The following SLC12A6 variants were observed in gnomAD, a reference collection of about 807,000 sequenced individuals.
The protein encoded by SLC12A6 is solute carrier family 12 member 6.
A neutral mutation model predicts 135.3 loss-of-function variants in SLC12A6; 66 were observed. The observed-to-expected ratio is 0.49, with a 90% CI of 0.40 to 0.60. The LOEUF (loss-of-function observed/expected upper bound fraction) is 0.60. Among genes scored for constraint, SLC12A6 ranks in the 20% least tolerant of loss-of-function variants. The pLI is 0.00. For synonymous variants in SLC12A6, 513 were observed against 508.8 expected (o/e 1.01, Z -0.11); for missense variants, 1,058 against 1,452.3 (o/e 0.73, Z 4.41).
At chr15:34,292,851 G>T (rs915799935) in intron 2 of SLC12A6, among the ~76,000 whole-genome samples, 1 of 152,162 alleles carries the variant, frequency 6.6e-6, no homozygotes, top group African/African-American at 2.4e-5. Flanking sequence ...TGGTCTGATG[G>T]TTGTGAAGAC....
At chr15:34,279,239 G>A (rs1355229329) in intron 2 of SLC12A6, among the ~76,000 whole-genome samples, 1 of 151,964 alleles carries the variant, frequency 6.6e-6, no homozygotes, top group Non-Finnish European at 1.5e-5. Flanking sequence ...GCTTGAACCT[G>A]GGAGGCGGAG....
chr15:34,268,367 C>G (rs78248490), intron 3 of SLC12A6, among the ~76,000 whole-genome samples: 3 of 152,288 alleles, frequency 2.0e-5, no homozygotes, highest in African/African-American at 7.2e-5. Flanking sequence ...ATGCCTCCAA[C>G]CAATAATGTC....
chr15:34,298,443 C>G (rs1286571044), intron 2 of SLC12A6, among the ~76,000 whole-genome samples: 1 of 151,574 alleles, frequency 6.6e-6, no homozygotes, highest in African/African-American at 2.4e-5. Context: ...CCTCTGCACT[C>G]CAGCCTAGGC....
chr15:34,298,949 G>A (rs570060743), intron 2 of SLC12A6, among the ~76,000 whole-genome samples: 1 of 152,262 alleles, frequency 6.6e-6, no homozygotes, highest in South Asian at 2.1e-4. Context: ...GCCTTTATCA[G>A]TTTGCATCAT....
intron 21 of SLC12A6, 22 bp downstream of exon 21, chr15:34,238,210 A>C (rs1595403094): frequency 6.3e-7 from 1 of 1,580,658 alleles, no homozygotes; most frequent in East Asian, 2.2e-5. Context: ...GACTTTTGTA[A>C]AAAAAAAGTT....
intron 3 of SLC12A6, among the ~76,000 whole-genome samples, chr15:34,265,401 T>TAAAAAAAAAAAAAAAAAAAAAAAGAA (rs1566824739): frequency 1.0e-5 from 1 of 96,374 alleles, no homozygotes; most frequent in African/African-American, 6.2e-5. Flanking sequence ...ACAACAGCAA[T>TAAAAAAAAAAAAAAAAAAAAAAAGAA]TAAAAAAAAA....
chr15:34,305,775 TA>T (rs1048019122), intron 2 of SLC12A6, among the ~76,000 whole-genome samples: 6 of 149,478 alleles, frequency 4.0e-5, no homozygotes, highest in African/African-American at 1.5e-4. Context: ...TTTTTTTTTT[TA>T]AAGATGGAGT....
At chr15:34,316,264 G>C (rs141098055) in intron 2 of SLC12A6, among the ~76,000 whole-genome samples, 42 of 151,940 alleles carry the variant, frequency 2.8e-4, no homozygotes, top group African/African-American at 8.2e-4. Flanking sequence ...TGTTGGAAGT[G>C]CTTGTGAAAA....
At chr15:34,281,070 A>T (rs1402616348) in intron 2 of SLC12A6, among the ~76,000 whole-genome samples, 1 of 152,188 alleles carries the variant, frequency 6.6e-6, no homozygotes, top group East Asian at 1.9e-4. Flanking sequence ...GGGGATAGGA[A>T]GAGATTTGTT....
At chr15:34,283,776 G>T (rs938981393) in intron 2 of SLC12A6, among the ~76,000 whole-genome samples, 1 of 151,708 alleles carries the variant, frequency 6.6e-6, no homozygotes, top group Non-Finnish European at 1.5e-5. Flanking sequence ...TTGAAACAGG[G>T]TCTTGCGCTG....
intron 3 of SLC12A6, among the ~76,000 whole-genome samples, chr15:34,264,140 GA>G (rs956705939): frequency 1.3e-5 from 2 of 152,094 alleles, no homozygotes; most frequent in East Asian, 1.9e-4. Context: ...TGGAATGACA[GA>G]AAAAAATCAC....
intron 13 of SLC12A6, among the ~76,000 whole-genome samples, chr15:34,247,277 G>A (rs1892056167): frequency 6.6e-6 from 1 of 152,144 alleles, no homozygotes; most frequent in African/African-American, 2.4e-5. Context: ...CAGCACTTTG[G>A]GAGGCCGAGG....
Position 34,236,019 on chromosome 15 carries a change from G to C in SLC12A6, c.3223C>G (p.Arg1075Gly), listed in dbSNP as rs752965878. The C allele has an allele frequency of 6.2e-7, 1 of 1,612,316 alleles. No individual in the cohort carries two copies. Among genetic ancestry groups the C allele is most frequent in the Non-Finnish European group, 8.5e-7 (1 of 1,178,342 alleles). ...MEGFQDLLNM[R>G]PDQSNVRRMH... The stretch of plus-strand genomic sequence containing the variant: ...CTTGGGAGTGGGAAAACTTACGGAC[G>C]CATGTTAAGCAGGTCCTGGAATCCT... The change falls in exon 24 of 26, where the codon CGT (arginine) becomes GGT (glycine). Residue 1075 changes from arginine (R) to glycine (G), a missense_variant. Arg to Gly is a moderately radical substitution (Grantham distance 125). Around this residue, in one of 6 missense-constraint regions of SLC12A6, gnomAD observed 245 missense variants for 440.8 expected, o/e 0.56. Transcript: ENST00000354181.
Position 34,237,562 on chromosome 15 carries a change from A to G in SLC12A6, c.2803-12T>C. 1 of 1,609,506 alleles carries G rather than the reference A, an allele frequency of 6.2e-7. No homozygotes were observed. Among genetic ancestry groups the G allele is most frequent in the African/African-American group, 1.3e-5 (1 of 74,944 alleles). On this transcript the variant is annotated splice_polypyrimidine_tract_variant and intron_variant, in intron 21 of 25. Transcript: ENST00000354181. ...CACTTTCGCCACACCTGAGAGAGTG[A>G]CATACACATGTGAAAAATTAGAGCA...
At chr15:34,240,604 A>G in intron 19 of SLC12A6, 57 bp downstream of exon 19, 1 of 1,429,608 alleles carries the variant, frequency 7.0e-7, no homozygotes, top group Non-Finnish European at 9.9e-7. Context: ...AGGTCTTACT[A>G]CTTAACATCA....
chr15:34,245,637 C>G (rs1327579252), intron 14 of SLC12A6, 56 bp downstream of exon 14: 5 of 1,437,554 alleles, frequency 3.5e-6, no homozygotes, highest in Non-Finnish European at 4.9e-6. Context: ...GAAGACCACA[C>G]TGTTTCTCAT....
chr15:34,248,966 G>A (rs1389719074), intron 13 of SLC12A6, among the ~76,000 whole-genome samples: 1 of 152,180 alleles, frequency 6.6e-6, no homozygotes, highest in Admixed American at 6.5e-5. Context: ...TAAACTCTAA[G>A]TTAGGGAGCT....
intron 13 of SLC12A6, among the ~76,000 whole-genome samples, chr15:34,246,615 TACA>T (rs1892009029): frequency 6.6e-6 from 1 of 152,138 alleles, no homozygotes; most frequent in Non-Finnish European, 1.5e-5. Flanking sequence ...TGCACATATC[TACA>T]TTCACAGTTC....
chr15:34,267,150 A>C (rs1437325215), intron 3 of SLC12A6, among the ~76,000 whole-genome samples: 4 of 152,130 alleles, frequency 2.6e-5, no homozygotes, highest in Non-Finnish European at 5.9e-5. Context: ...CTCCTGAACA[A>C]CACGAAGACT....
Sources: gnomAD v4.1 joint callset for allele counts (sites outside exome capture counted in the v4.1 genomes callset) on GRCh38, gnomAD v4.1.1 for gene constraint, gnomAD v4.1.1 regional missense constraint, MANE v1.5 for transcripts, NCBI Gene and HGNC (gene_info 2026-07-23, HGNC 2026-07-21) for gene names.